The following SRD5A2 variants were observed in gnomAD, a reference collection of about 807,000 sequenced individuals.
The protein encoded by SRD5A2 is 3-oxo-5-alpha-steroid 4-dehydrogenase 2.
In SRD5A2, 30 loss-of-function variants were observed where a neutral mutation model predicts 27.4. The observed-to-expected ratio is 1.10, with a 90% CI of 0.82 to 1.49. SRD5A2 has a LOEUF of 1.49. Among genes scored for constraint, SRD5A2 ranks in the 40% most tolerant of loss-of-function variants. SRD5A2 has a pLI of 0.00. For missense variants in SRD5A2, 348 were observed against 323.4 expected, an observed-to-expected ratio of 1.08 and a Z score of -0.58; for synonymous variants, 141 against 133.6, an observed-to-expected ratio of 1.06 and a Z score of -0.38.
intron 1 of SRD5A2, among the ~76,000 whole-genome samples, chr2:31,568,938 C>A (rs1295445652): frequency 6.6e-6 from 1 of 152,270 alleles, no homozygotes; most frequent in Non-Finnish European, 1.5e-5. Context: ...TTTGTTCCAC[C>A]CCAGAGCAGG....
rs1412980751 is a variant in SRD5A2 at position 31,523,442 on chromosome 2, C to G, written c.*2754G>C. ...CCCTCAAAGGGACAAAATGAGATGG[C>G]TGCTCTGACCAGCTCTGTACCAGCT... is the stretch of plus-strand genomic sequence containing the variant. On this transcript the variant is annotated 3_prime_UTR_variant, in exon 5 of 5. Transcript: ENST00000622030. 1 of 219,944 alleles carries G rather than the reference C, an allele frequency of 4.5e-6. No homozygotes were observed. The highest frequency in any genetic ancestry group is 2.2e-5 in the African/African-American group (1 of 44,598). 13.6% of individuals were successfully genotyped at this position (219,944 alleles called of 1,614,324 possible).
At position 31,580,766 on chromosome 2, in the gene SRD5A2, G is replaced by A. The variant is rs1377230204; in HGVS notation, c.135C>T (p.Thr45=). 1 of 1,610,732 alleles carries A rather than the reference G, an allele frequency of 6.2e-7. No homozygotes were observed. The highest frequency in any genetic ancestry group is 8.5e-7 in the Non-Finnish European group (1 of 1,179,556). ...ACCAGGCGGCGCGGGCTGGCAGGCG[G>A]GTAGCCGCCGGCTTCAGGCTCTCCG... The part of the protein sequence containing the change: ...KHTESLKPAA[T]RLPARAAWFL... Residue 45 remains threonine, a synonymous_variant, in exon 1 of 5, where the codon ACC becomes ACT. Transcript: ENST00000622030.
chr2:31,587,163 T>C, the SRD5A2 span, among the ~76,000 whole-genome samples: 1 of 152,166 alleles, frequency 6.6e-6, no homozygotes, highest in Non-Finnish European at 1.5e-5. Context: ...CACTGATCAT[T>C]AGAGAAACGC....
At chr2:31,553,000 G>T (rs1239886677) in intron 1 of SRD5A2, among the ~76,000 whole-genome samples, 1 of 152,094 alleles carries the variant, frequency 6.6e-6, no homozygotes, top group African/African-American at 2.4e-5. Context: ...AATGAGTTAC[G>T]AGAGGAAACA....
At chr2:31,532,789 G>C (rs185750833) in intron 2 of SRD5A2, among the ~76,000 whole-genome samples, 13 of 152,262 alleles carry the variant, frequency 8.5e-5, no homozygotes, top group Admixed American at 8.5e-4. Flanking sequence ...ATCTGGGGCA[G>C]GGGATGGTAG....
the SRD5A2 span, among the ~76,000 whole-genome samples, chr2:31,623,413 A>G: frequency 7.9e-5 from 12 of 152,122 alleles, no homozygotes; most frequent in African/African-American, 2.9e-4. Context: ...ATCAAATGCA[A>G]ATTTCAACAA....
intron 1 of SRD5A2, among the ~76,000 whole-genome samples, chr2:31,559,836 C>CCACACA (rs1553326924): frequency 1.6e-5 from 1 of 63,714 alleles, no homozygotes; most frequent in African/African-American, 4.5e-5. Context: ...GTAAACAAAC[C>CCACACA]CACACACACA....
chr2:31,577,303 G>A (rs1250462665), intron 1 of SRD5A2, among the ~76,000 whole-genome samples: 1 of 151,704 alleles, frequency 6.6e-6, no homozygotes, highest in Non-Finnish European at 1.5e-5. Context: ...ATTCTGAAGA[G>A]AGGAAAGTTA....
the SRD5A2 span, among the ~76,000 whole-genome samples, chr2:31,641,230 C>A: frequency 6.6e-6 from 1 of 151,814 alleles, no homozygotes; most frequent in East Asian, 1.9e-4. Context: ...CTTCTGAAGA[C>A]CAAAATTGCA....
chr2:31,555,379 G>A (rs780187403), intron 1 of SRD5A2, among the ~76,000 whole-genome samples: 3 of 152,044 alleles, frequency 2.0e-5, no homozygotes, highest in Admixed American at 6.5e-5. Context: ...CAAGGTCCTC[G>A]GCCAAACAGA....
intron 1 of SRD5A2, among the ~76,000 whole-genome samples, chr2:31,562,332 T>C (rs946848739): frequency 1.3e-5 from 2 of 152,110 alleles, no homozygotes; most frequent in Admixed American, 6.6e-5. Context: ...ATAATCACAT[T>C]AGGGTAAAAT....
chr2:31,616,663 TAACTA>T, the SRD5A2 span, among the ~76,000 whole-genome samples: 10 of 152,234 alleles, frequency 6.6e-5, no homozygotes, highest in Non-Finnish European at 1.5e-4. Flanking sequence ...ATCTAGGAAG[TAACTA>T]ATTTCCTTTT....
the SRD5A2 span, among the ~76,000 whole-genome samples, chr2:31,602,546 A>T: frequency 6.6e-6 from 1 of 151,960 alleles, no homozygotes; most frequent in East Asian, 1.9e-4. Context: ...TCACAGAATT[A>T]GAAAAAACTA....
At chr2:31,636,086 AT>A in the SRD5A2 span, among the ~76,000 whole-genome samples, 37 of 151,900 alleles carry the variant, frequency 2.4e-4, no homozygotes, top group South Asian at 7.3e-3. Flanking sequence ...GAAGAATGTC[AT>A]TTTTTTATAC....
chr2:31,537,072 T>C (rs1035071573), intron 1 of SRD5A2, among the ~76,000 whole-genome samples: 4 of 152,228 alleles, frequency 2.6e-5, no homozygotes, highest in African/African-American at 7.2e-5. Context: ...ACATCTTGCA[T>C]AGACCAACTC....
the SRD5A2 span, among the ~76,000 whole-genome samples, chr2:31,642,604 G>A: frequency 3.3e-5 from 5 of 151,948 alleles, no homozygotes; most frequent in South Asian, 1.0e-3. Context: ...TAACAAAAAT[G>A]TTGACAGTTT....
At chr2:31,648,870 T>C in the SRD5A2 span, among the ~76,000 whole-genome samples, 10 of 152,310 alleles carry the variant, frequency 6.6e-5, no homozygotes, top group East Asian at 3.9e-4. Flanking sequence ...TAAACAAGTA[T>C]TGGCAGATTT....
At position 31,526,262 on chromosome 2, in the gene SRD5A2, C is replaced by T. The variant is rs761061564; in HGVS notation, c.699G>A (p.Arg233=). 1.7e-5 allele frequency: 26 copies of T among 1,570,858 alleles called. No individual in the cohort carries two copies. The highest frequency in any genetic ancestry group is 1.5e-4 in the South Asian group (13 of 85,766). ...AGTCCTCAAACATCTTGAGGTAGAA[C>T]CTAAAAGACAAGAAAGGAATAATTG... ...FLGLRAFHHH[R]FYLKMFEDYP... is the part of the protein sequence containing the mutation. Residue 233 remains arginine, a splice_region_variant and synonymous_variant, in exon 5 of 5, where the codon AGG becomes AGA. Coordinates refer to ENST00000622030, the MANE Select transcript of SRD5A2 (RefSeq NM_000348.4).
chr2:31,552,916 C>A lies in SRD5A2; in HGVS notation c.282-19150G>T, dbSNP rs147871937. On this transcript the variant is annotated intron_variant, in intron 1 of 4. Transcript: ENST00000622030. ...ATCAAAGGAAAAAACAAATCTCCAGCAACCAACCCTACAGAAGTGGAGATC... is the reference window on the plus strand; with the variant it reads ...ATCAAAGGAAAAAACAAATCTCCAGAAACCAACCCTACAGAAGTGGAGATC... 5.7e-4 allele frequency among the ~76,000 whole-genome samples: 87 copies of A among 152,266 alleles called. 2 individuals carry two copies. The highest frequency in any genetic ancestry group is 5.0e-3 in the Admixed American group (76 of 15,288).
Sources: allele counts gnomAD v4.1 joint callset (sites outside exome capture counted in the v4.1 genomes callset), GRCh38; gene constraint gnomAD v4.1.1; transcripts MANE v1.5; gene names NCBI Gene and HGNC (gene_info 2026-07-23, HGNC 2026-07-21).